Variants in RBFOX2 observed in about 807,000 individuals in gnomAD.
The protein encoded by RBFOX2 is RNA binding fox-1 homolog 2.
A neutral mutation model predicts 49.1 loss-of-function variants in RBFOX2; 10 were observed. The observed-to-expected ratio is 0.20, with a 90% CI of 0.13 to 0.35. The LOEUF (loss-of-function observed/expected upper bound fraction) is 0.35, where lower values mean the gene tolerates loss of function less well. Ranked by LOEUF, RBFOX2 falls within the 10% of genes least tolerant of loss-of-function variation. The probability of loss-of-function intolerance (pLI) is 1.00; values close to 1 mark genes in which losing one functional copy is unlikely to be tolerated. For synonymous variants in RBFOX2, 183 were observed against 187.4 expected, an observed-to-expected ratio of 0.98 and a Z score of 0.19; for missense variants, 323 against 486.9, an observed-to-expected ratio of 0.66 and a Z score of 3.17.
intron 1 of RBFOX2, chr22:35,994,872 C>T (rs1008669679): frequency 6.6e-6 from 1 of 152,146 alleles, no homozygotes; most frequent in Admixed American, 6.6e-5. Flanking sequence ...TACCGTATTA[C>T]CATATTACAC....
intron 2 of RBFOX2, among the ~76,000 whole-genome samples, chr22:35,783,197 C>T (rs953681245): frequency 6.6e-6 from 1 of 152,158 alleles, no homozygotes; most frequent in African/African-American, 2.4e-5. Context: ...AGGGAGGCAA[C>T]TCATCCCATG....
intron 1 of RBFOX2, among the ~76,000 whole-genome samples, chr22:36,021,226 T>A (rs1381862770): frequency 2.7e-5 from 3 of 110,134 alleles, no homozygotes; most frequent in Admixed American, 1.4e-4. Context: ...GTGGGGAACA[T>A]CACACAATGG....
At chr22:35,805,158 C>T (rs761570549) in intron 2 of RBFOX2, among the ~76,000 whole-genome samples, 21 of 151,696 alleles carry the variant, frequency 1.4e-4, no homozygotes, top group Admixed American at 3.9e-4. Flanking sequence ...GGCGTGGTGG[C>T]GGGCACCTGT....
chr22:35,897,547 C>T, intron 1 of RBFOX2: 1 of 862,728 alleles, frequency 1.2e-6, no homozygotes, highest in Non-Finnish European at 2.0e-6. Flanking sequence ...TACCCCTTTG[C>T]TGTGAGCCAC....
intron 1 of RBFOX2, among the ~76,000 whole-genome samples, chr22:35,828,335 T>C (rs927976525): frequency 1.3e-5 from 2 of 152,088 alleles, no homozygotes; most frequent in African/African-American, 4.8e-5. Context: ...ACTTATCACA[T>C]GGATAAAGTT....
intron 1 of RBFOX2, among the ~76,000 whole-genome samples, chr22:35,906,195 G>A (rs2049111870): frequency 6.6e-6 from 1 of 152,118 alleles, no homozygotes; most frequent in African/African-American, 2.4e-5. Context: ...TTTTTTAAAT[G>A]GGAGGAAAAG....
intron 1 of RBFOX2, among the ~76,000 whole-genome samples, chr22:35,858,870 C>T (rs887549366): frequency 8.8e-5 from 13 of 147,870 alleles, no homozygotes; most frequent in African/African-American, 3.2e-4. Flanking sequence ...ACAGTTTATA[C>T]AGTATATGCT....
chr22:36,000,411 T>C (rs949284653), intron 1 of RBFOX2: 1 of 152,216 alleles, frequency 6.6e-6, no homozygotes, highest in Non-Finnish European at 1.5e-5. Context: ...CAACACACAC[T>C]GTATCCAAGG....
chr22:35,961,745 C>T, upstream of RBFOX2: 5 of 1,225,790 alleles, frequency 4.1e-6, no homozygotes, highest in Non-Finnish European at 3.2e-6. Context: ...TCCGTTCTCC[C>T]CACACCACCC....
At chr22:35,918,895 T>C (rs562681050) in intron 1 of RBFOX2, among the ~76,000 whole-genome samples, 15 of 152,218 alleles carry the variant, frequency 9.9e-5, no homozygotes, top group Admixed American at 7.9e-4. Context: ...AGTCACCTAT[T>C]CCTCCCATTT....
chr22:36,019,394 G>A lies in RBFOX2; in HGVS notation c.186+8846C>T, dbSNP rs2059161362. On this transcript the variant is annotated intron_variant, in intron 1 of 13. Coordinates refer to the RBFOX2 transcript ENST00000438146. The stretch of plus-strand genomic sequence containing the variant: ...CCCAACTCTGGCACTTAATCAATCA[G>A]AAGCACATTAACCACTCCATGCAGA... Among the ~76,000 whole-genome samples, 3 of 152,214 alleles carry A rather than the reference G, an allele frequency of 2.0e-5. No homozygotes were observed. The South Asian group carries it at 6.2e-4, about 32-fold the overall frequency.
At chr22:35,956,526 T>C (rs1482551326) in intron 1 of RBFOX2, among the ~76,000 whole-genome samples, 1 of 152,050 alleles carries the variant, frequency 6.6e-6, no homozygotes, top group Non-Finnish European at 1.5e-5. Flanking sequence ...CACACCCGGC[T>C]AATTTTTGTA....
chr22:35,801,858 TA>T (rs562968482), intron 2 of RBFOX2, among the ~76,000 whole-genome samples: 5 of 150,596 alleles, frequency 3.3e-5, no homozygotes, highest in Non-Finnish European at 5.9e-5. Context: ...AATGTACACT[TA>T]AAAAAAAAGC....
chr22:35,925,052 C>T (rs7292916), intron 1 of RBFOX2, among the ~76,000 whole-genome samples: 430 of 151,824 alleles, frequency 2.8e-3, no homozygotes, highest in Middle Eastern at 0.01. Context: ...GTTAGCCAGA[C>T]GTGGTGGCGC....
At chr22:35,962,325 T>C (rs551222161), upstream of RBFOX2, among the ~76,000 whole-genome samples, 17 of 152,326 alleles carry the variant, frequency 1.1e-4, no homozygotes, top group Middle Eastern at 3.4e-3. Context: ...GGTCCAACTT[T>C]CCATCCAAGG....
chr22:36,008,026 G>T (rs1307114831), intron 1 of RBFOX2, among the ~76,000 whole-genome samples: 5 of 152,102 alleles, frequency 3.3e-5, no homozygotes, highest in Non-Finnish European at 7.4e-5. Flanking sequence ...GCATCTGTAG[G>T]ATAAATTCCT....
In RBFOX2 at chr22:35,878,045, C is replaced by T. The variant is rs998153757; in HGVS notation, c.-34+60802G>A. On this transcript the variant is annotated intron_variant, in intron 1 of 13. Coordinates refer to the RBFOX2 transcript ENST00000359369. The stretch of plus-strand genomic sequence containing the variant: ...ATACTACTACTACTACTACTACACA[C>T]ACACACACACACACACACACACACA... Among the ~76,000 whole-genome samples the T allele has an allele frequency of 3.9e-3, 452 of 114,700 alleles. 4 individuals carry two copies. The highest frequency in any genetic ancestry group is 0.018 in the African/African-American group (357 of 20,318). 75.2% of individuals were successfully genotyped at this position (114,700 alleles called of 152,430 possible). A position where few individuals can be genotyped will look rare whatever the true frequency, so the allele number is the denominator to read the frequency against.
chr22:35,882,656 C>T (rs2046060172), intron 1 of RBFOX2, among the ~76,000 whole-genome samples: 1 of 152,036 alleles, frequency 6.6e-6, no homozygotes. Context: ...AGAGATAGGA[C>T]CTAGTATACA....
chr22:35,875,657 TGTG>T (rs2044972743), intron 1 of RBFOX2, among the ~76,000 whole-genome samples: 1 of 147,564 alleles, frequency 6.8e-6, no homozygotes, highest in African/African-American at 2.6e-5. Flanking sequence ...TGTGTGTGTG[TGTG>T]TGTGTGTCTT....
Sources: allele counts gnomAD v4.1 joint callset (sites outside exome capture counted in the v4.1 genomes callset), GRCh38; gene constraint gnomAD v4.1.1; transcripts MANE v1.5; gene names NCBI Gene and HGNC (gene_info 2026-07-23, HGNC 2026-07-21).